Variants in ARHGAP11B observed in about 807,000 individuals in gnomAD.
The protein encoded by ARHGAP11B is inactive Rho GTPase-activating protein 11B.
Under a neutral mutation model 27.6 loss-of-function variants are expected in ARHGAP11B, and 14 were observed. The observed-to-expected ratio is 0.51, with a 90% CI of 0.34 to 0.79. The LOEUF (loss-of-function observed/expected upper bound fraction) is 0.79. Ranked by LOEUF, ARHGAP11B falls within the 30% of genes least tolerant of loss-of-function variation. The pLI is 0.02. For missense variants in ARHGAP11B, 245 were observed against 320.1 expected (o/e 0.77, Z 1.79); for synonymous variants, 82 against 114.1 (o/e 0.72, Z 1.80).
intron 6 of ARHGAP11B, among the ~76,000 whole-genome samples, chr15:30,636,650 C>G (rs886350566): frequency 6.6e-6 from 1 of 152,112 alleles, no homozygotes; most frequent in South Asian, 2.1e-4. Flanking sequence ...GTGGCTTAAA[C>G]CAACAGAAAT....
chr15:30,635,244 G>A lies in ARHGAP11B; in HGVS notation c.660+56G>A, dbSNP rs1054089794. 375 of 1,590,366 alleles carry A rather than the reference G, an allele frequency of 2.4e-4. 2 individuals carry two copies. Among genetic ancestry groups the A allele is most frequent in the Non-Finnish European group, 2.7e-4 (313 of 1,163,116 alleles). On this transcript the variant is annotated intron_variant, in intron 5 of 10. Transcript: ENST00000428041. ...CTTATCGATTATGCATCAGATATTGGTAAGATGTAGTTGCATTATTAACAG... is the reference window on the plus strand; with the variant it reads ...CTTATCGATTATGCATCAGATATTGATAAGATGTAGTTGCATTATTAACAG...
At chr15:30,632,277 T>C in intron 2 of ARHGAP11B, among the ~76,000 whole-genome samples, 1 of 128,648 alleles carries the variant, frequency 7.8e-6, no homozygotes, top group Non-Finnish European at 1.6e-5. Context: ...AAAAATTAGC[T>C]GGGCGTAGTG....
At chr15:30,647,407 G>C (rs1271610191) in intron 9 of ARHGAP11B, among the ~76,000 whole-genome samples, 2 of 151,804 alleles carry the variant, frequency 1.3e-5, no homozygotes, top group African/African-American at 4.8e-5. Flanking sequence ...TTTTTCGATA[G>C]TTGGTGTGTG....
chr15:30,635,620 A>T, exon 6 of ARHGAP11B: 1 of 1,613,572 alleles, frequency 6.2e-7, no homozygotes. Flanking sequence ...GAAAGAGAAG[A>T]CAACGTGTAG....
chr15:30,631,133 T>C (rs1174033697), intron 2 of ARHGAP11B, among the ~76,000 whole-genome samples: 3 of 151,324 alleles, frequency 2.0e-5, no homozygotes, highest in African/African-American at 7.3e-5. Context: ...AATGATTTAA[T>C]CTCTCATAAT....
chr15:30,649,193 T>A (rs1233007453), exon 11 of ARHGAP11B: 3 of 152,082 alleles, frequency 2.0e-5, no homozygotes, highest in African/African-American at 4.8e-5. Flanking sequence ...ATTGTAAAAC[T>A]GTTTTAATTT....
chr15:30,639,728 A>C (rs1595676995), intron 7 of ARHGAP11B, among the ~76,000 whole-genome samples: 1 of 152,176 alleles, frequency 6.6e-6, no homozygotes, highest in Middle Eastern at 3.4e-3. Flanking sequence ...TCCATCAAGC[A>C]CAATTTTAAC....
rs1351162703 is a variant in ARHGAP11B, at chr15:30,633,939, T to G, written c.298-231T>G. Among the ~76,000 whole-genome samples, 4 of 151,752 alleles carry G rather than the reference T, an allele frequency of 2.6e-5. No homozygotes were observed. In the East Asian group the frequency reaches 5.8e-4, roughly 22 times the overall value. On this transcript the variant is annotated intron_variant, in intron 3 of 10. Coordinates refer to ENST00000428041, the Ensembl canonical transcript of ARHGAP11B. ...ACTTGGGAGGCTAAGGCAGGAAGAT[T>G]GCTTGAGCCTGGGAGTTTGAAGCCA...
intron 1 of ARHGAP11B, among the ~76,000 whole-genome samples, chr15:30,629,042 G>A (rs975403686): frequency 2.0e-5 from 3 of 152,030 alleles, no homozygotes; most frequent in Admixed American, 6.6e-5. Flanking sequence ...TTTTTAAATA[G>A]TTCAGCTTAA....
At chr15:30,639,951 TAGAC>T (rs777687591) in intron 7 of ARHGAP11B, among the ~76,000 whole-genome samples, 2 of 150,220 alleles carry the variant, frequency 1.3e-5, no homozygotes, top group Admixed American at 6.7e-5. Flanking sequence ...CCTTTTAAAA[TAGAC>T]AGTGTTTCAA....
intron 2 of ARHGAP11B, among the ~76,000 whole-genome samples, chr15:30,632,811 G>T (rs1008292501): frequency 1.3e-5 from 2 of 151,950 alleles, no homozygotes. Flanking sequence ...AAAAAACCTC[G>T]CCCTGTTTTT....
rs778936202 is a variant in ARHGAP11B, at chr15:30,626,917, AG to A, written c.99del (p.Arg34AspfsTer9). 2.5e-6 allele frequency: 4 copies of A among 1,613,450 alleles called. No homozygotes were observed. The South Asian group carries it at 4.4e-5, about 18-fold the overall frequency. On this transcript the variant is annotated frameshift_variant, in exon 1 of 11. Coordinates refer to ENST00000428041, the Ensembl canonical transcript of ARHGAP11B. LOFTEE classifies it high-confidence loss of function. ...GGGTGTCCGTGGGCAGTGCGATCGC[AG>A]GAGACATGAAACAGCAGCCACGGAA... is the stretch of plus-strand genomic sequence containing the variant.
intron 1 of ARHGAP11B, among the ~76,000 whole-genome samples, chr15:30,629,923 G>C (rs1002719248): frequency 3.3e-5 from 5 of 152,064 alleles, no homozygotes; most frequent in Admixed American, 6.6e-5. Context: ...GCTGTGGAAA[G>C]CGACACATTT....
Position 30,646,674 on chromosome 15 carries a change from A to AAAC in ARHGAP11B, c.*324+380_*324+381insACA, listed in dbSNP as rs36088641. Among the ~76,000 whole-genome samples, 195 of 150,136 alleles carry AAAC rather than the reference A, an allele frequency of 1.3e-3. 2 individuals carry two copies. Among genetic ancestry groups the AAAC allele is most frequent in the Admixed American group, 2.6e-3 (39 of 15,122 alleles). On this transcript the variant is annotated intron_variant, in intron 9 of 10. Transcript: ENST00000428041. ...AGACTCCGTCTCAAAAAAAAAAAAA[A>AAAC]ATATGTGAAATTAGCCCAGGCGCAG... is the stretch of plus-strand genomic sequence containing the variant.
At chr15:30,645,127 T>C (rs1369070021) in intron 8 of ARHGAP11B, among the ~76,000 whole-genome samples, 2 of 151,952 alleles carry the variant, frequency 1.3e-5, no homozygotes, top group African/African-American at 2.4e-5. Context: ...ACTGTGGAGA[T>C]GGTGTGGGAG....
intron 7 of ARHGAP11B, among the ~76,000 whole-genome samples, chr15:30,640,208 A>C (rs1385469131): frequency 7.5e-6 from 1 of 132,712 alleles, no homozygotes; most frequent in African/African-American, 2.8e-5. Context: ...TCTGATTCCC[A>C]AGTGGGAGCG....
chr15:30,635,099 G>A, exon 5 of ARHGAP11B: 1 of 1,613,452 alleles, frequency 6.2e-7, no homozygotes, highest in Non-Finnish European at 8.5e-7. Context: ...GAATAAGATG[G>A]ATAGCAGCAA....
At chr15:30,637,032 A>G (rs1042497434) in intron 6 of ARHGAP11B, among the ~76,000 whole-genome samples, 2 of 152,030 alleles carry the variant, frequency 1.3e-5, no homozygotes, top group Admixed American at 6.6e-5. Flanking sequence ...CCTATCCCAA[A>G]TGGAGATATT....
exon 1 of ARHGAP11B, chr15:30,626,558 G>T: frequency 1.9e-6 from 1 of 522,776 alleles, no homozygotes; most frequent in Non-Finnish European, 3.3e-6. Flanking sequence ...TGGGTGACCA[G>T]AAAGAAGGTC....
Sources: allele counts gnomAD v4.1 joint callset (sites outside exome capture counted in the v4.1 genomes callset), GRCh38; gene constraint gnomAD v4.1.1; transcripts MANE v1.5; gene names NCBI Gene and HGNC (gene_info 2026-07-23, HGNC 2026-07-21).